The following GDPD5 variants were observed in gnomAD, a reference collection of about 807,000 sequenced individuals.
GDPD5 encodes glycerophosphodiester phosphodiesterase 2.
A neutral mutation model predicts 75.1 loss-of-function variants in GDPD5; 48 were observed. The observed-to-expected ratio is 0.64, with a 90% confidence interval of 0.51 to 0.81. The LOEUF (loss-of-function observed/expected upper bound fraction) is 0.81. Ranked by LOEUF, GDPD5 falls within the 40% of genes least tolerant of loss-of-function variation. GDPD5 has a pLI of 0.00. For synonymous variants in GDPD5, 336 were observed against 339.0 expected (o/e 0.99, Z 0.10); for missense variants, 706 against 822.6 (o/e 0.86, Z 1.73).
intron 6 of GDPD5, 115 bp downstream of exon 6, chr11:75,456,642 G>T: frequency 1.0e-6 from 1 of 980,070 alleles, no homozygotes. Context: ...CCTTAGCTAT[G>T]AGAACAATTC....
chr11:75,441,429 T>A (rs976262214), intron 13 of GDPD5, 119 bp from the exon 14 acceptor site: 7 of 1,353,314 alleles, frequency 5.2e-6, no homozygotes, highest in Non-Finnish European at 7.2e-6. Context: ...GCAAGGAACA[T>A]TGGCTCCAGA....
Position 75,439,921 on chromosome 11 carries a change from A to G in GDPD5, c.1514T>C (p.Leu505Pro). 3 of 1,613,960 alleles carry G rather than the reference A, an allele frequency of 1.9e-6. No homozygotes were observed. The highest frequency in any genetic ancestry group is 1.7e-6 in the Non-Finnish European group (2 of 1,179,932). The change falls in exon 15 of 17, where the codon CTG becomes CCG. Residue 505 changes from leucine to proline, a missense_variant. Coordinates refer to ENST00000336898, the MANE Select transcript of GDPD5 (RefSeq NM_030792.8). ...EYCLMWVTAD[L>P]VSFTLIVGIF... ...GCCCACGATGAGGGTGAAGGAGACC[A>G]GGTCGGCAGTGACCCACATGAGACA...
At chr11:75,439,121 G>A (rs1485018464) in intron 15 of GDPD5, among the ~76,000 whole-genome samples, 1 of 152,228 alleles carries the variant, frequency 6.6e-6, no homozygotes, top group Non-Finnish European at 1.5e-5. Context: ...TGCAGAAACG[G>A]CCGTGGGAAC....
intron 3 of GDPD5, among the ~76,000 whole-genome samples, chr11:75,470,123 C>T (rs899179663): frequency 1.3e-5 from 2 of 152,280 alleles, no homozygotes; most frequent in African/African-American, 4.8e-5. Context: ...GAGAAGACAC[C>T]TGCAGCAAAG....
intron 1 of GDPD5, among the ~76,000 whole-genome samples, chr11:75,515,602 G>A (rs1950622007): frequency 6.6e-6 from 1 of 152,218 alleles, no homozygotes; most frequent in African/African-American, 2.4e-5. Flanking sequence ...TGGGTCCAGG[G>A]CTATCCCCAG....
At chr11:75,523,831 A>G (rs1941561167) in intron 1 of GDPD5, among the ~76,000 whole-genome samples, 1 of 152,188 alleles carries the variant, frequency 6.6e-6, no homozygotes. Context: ...TTCCACCCCC[A>G]GGGATTGAGC....
chr11:75,443,699 A>G (rs1296514025), intron 10 of GDPD5, among the ~76,000 whole-genome samples: 1 of 152,202 alleles, frequency 6.6e-6, no homozygotes, highest in Non-Finnish European at 1.5e-5. Context: ...CTATGATGAG[A>G]ACAGTGCAAA....
chr11:75,488,806 C>A, intron 2 of GDPD5, among the ~76,000 whole-genome samples: 1 of 152,364 alleles, frequency 6.6e-6, no homozygotes, highest in African/African-American at 2.4e-5. Flanking sequence ...CTGTAATTAT[C>A]TGCTTCCGTG....
rs772126339 is a variant in GDPD5, at chr11:75,448,991, G to A, written c.700C>T (p.Arg234Cys). The A allele has an allele frequency of 6.3e-6, 10 of 1,578,222 alleles. No homozygotes were observed. Among genetic ancestry groups the A allele is most frequent in the East Asian group, 4.6e-5 (2 of 43,030 alleles). Residue 234 changes from arginine (R) to cysteine (C), a missense_variant, in exon 9 of 17, where the codon CGC (arginine) becomes TGC (cysteine). Transcript: ENST00000336898. ...GTGGCACTCACCATGGGGGCCCCGCGGTGGCCAATGAGAGCAGGCTTGGGG... is the reference window on the plus strand; with the variant it reads ...GTGGCACTCACCATGGGGGCCCCGCAGTGGCCAATGAGAGCAGGCTTGGGG... ...LGPKPALIGH[R>C]GAPMLAPEHT...
chr11:75,437,734 G>A (rs978039837), intron 15 of GDPD5: 1 of 152,552 alleles, frequency 6.6e-6, no homozygotes, highest in African/African-American at 2.4e-5. Context: ...GGGCTGGGAG[G>A]TGGAGCATGC....
chr11:75,452,261 G>C (rs1486467431), intron 6 of GDPD5: 2 of 152,220 alleles, frequency 1.3e-5, no homozygotes, highest in African/African-American at 4.8e-5. Context: ...ACGGTCTTCA[G>C]TCGAATCCTG....
intron 1 of GDPD5, among the ~76,000 whole-genome samples, chr11:75,504,993 A>G (rs540453412): frequency 3.3e-5 from 5 of 152,048 alleles, no homozygotes; most frequent in African/African-American, 9.6e-5. Flanking sequence ...GGGTGTGCGC[A>G]TGCCTGTAAT....
chr11:75,504,355 A>G (rs1006364591), intron 1 of GDPD5, among the ~76,000 whole-genome samples: 2 of 152,346 alleles, frequency 1.3e-5, no homozygotes, highest in African/African-American at 2.4e-5. Flanking sequence ...GCCAGGGTCC[A>G]ACCCAGGCCC....
chr11:75,491,697 T>G (rs1950112902), intron 1 of GDPD5, among the ~76,000 whole-genome samples: 2 of 152,214 alleles, frequency 1.3e-5, no homozygotes, highest in African/African-American at 4.8e-5. Flanking sequence ...TGCCTCAATC[T>G]CCTTAGGTAT....
At chr11:75,452,079 A>C (rs1949174103) in intron 6 of GDPD5, 1 of 152,194 alleles carries the variant, frequency 6.6e-6, no homozygotes, top group Non-Finnish European at 1.5e-5. Context: ...CAGGGGATAC[A>C]ACAGAGTCTT....
chr11:75,462,170 A>C (rs1373206997), intron 4 of GDPD5, among the ~76,000 whole-genome samples: 1 of 152,184 alleles, frequency 6.6e-6, no homozygotes, highest in Non-Finnish European at 1.5e-5. Flanking sequence ...TTGTATACAA[A>C]GGGGGTAACC....
intron 4 of GDPD5, among the ~76,000 whole-genome samples, chr11:75,458,701 A>AAATAAATAAAT (rs1949347556): frequency 6.7e-6 from 1 of 148,864 alleles, no homozygotes; most frequent in Non-Finnish European, 1.5e-5. Flanking sequence ...AATAAATAAA[A>AAATAAATAAAT]TAAATAAATA....
chr11:75,450,781 T>G (rs942576640), intron 6 of GDPD5: 4 of 146,750 alleles, frequency 2.7e-5, no homozygotes, highest in African/African-American at 1.0e-4. Context: ...GCCGTGGATC[T>G]CACTCCACCC....
chr11:75,507,557 A>G (rs1950427233), intron 1 of GDPD5, among the ~76,000 whole-genome samples: 1 of 152,226 alleles, frequency 6.6e-6, no homozygotes. Context: ...CCTCCTTTAA[A>G]GCCCAGACCG....
Sources: allele counts gnomAD v4.1 joint callset (sites outside exome capture counted in the v4.1 genomes callset), GRCh38; gene constraint gnomAD v4.1.1; transcripts MANE v1.5; gene names NCBI Gene and HGNC (gene_info 2026-07-23, HGNC 2026-07-21).